The following LEPR variants were observed in gnomAD, a reference collection of about 807,000 sequenced individuals.
The protein encoded by LEPR is leptin receptor.
LEPR carries 56 observed loss-of-function variants against 114.7 expected under a neutral mutation model. The ratio of observed to expected loss-of-function variants is 0.49; its 90% CI spans 0.39 to 0.61. The LOEUF (loss-of-function observed/expected upper bound fraction) is 0.61. LEPR is among the 20% of genes least tolerant of loss of function. LEPR has a pLI of 0.00. For synonymous variants in LEPR, 443 were observed against 461.4 expected (o/e 0.96, Z 0.51); for missense variants, 1,202 against 1,352.9 (o/e 0.89, Z 1.75).
At chr1:65,626,983 T>A (rs1052900240) in intron 19 of LEPR, among the ~76,000 whole-genome samples, 3 of 152,194 alleles carry the variant, frequency 2.0e-5, no homozygotes, top group Admixed American at 6.6e-5. Flanking sequence ...ACTCACTTTA[T>A]ATTACTAAAC....
intron 19 of LEPR, chr1:65,635,405 C>T (rs746312041): frequency 1.1e-5 from 11 of 979,902 alleles, no homozygotes; most frequent in Non-Finnish European, 1.2e-5. Flanking sequence ...GATATAATCA[C>T]TTCTATAAAA....
intron 2 of LEPR, among the ~76,000 whole-genome samples, chr1:65,452,389 C>T (rs1380104595): frequency 3.4e-5 from 5 of 145,962 alleles, no homozygotes; most frequent in African/African-American, 1.0e-4. Context: ...AGTTTTTGCC[C>T]ATTCAGTATG....
intron 5 of LEPR, among the ~76,000 whole-genome samples, chr1:65,581,886 C>T (rs1338315691): frequency 2.6e-5 from 4 of 152,206 alleles, no homozygotes; most frequent in African/African-American, 4.8e-5. Context: ...TTAATGAGCT[C>T]TCTGCTACTA....
chr1:65,608,968 T>G, intron 12 of LEPR, 67 bp downstream of exon 12: 1 of 1,578,060 alleles, frequency 6.3e-7, no homozygotes, highest in Non-Finnish European at 8.7e-7. Context: ...AAGAGTTTAA[T>G]TGCATTAGAT....
chr1:65,632,519 G>T (rs1658565636), intron 19 of LEPR, among the ~76,000 whole-genome samples: 1 of 152,076 alleles, frequency 6.6e-6, no homozygotes, highest in African/African-American at 2.4e-5. Flanking sequence ...ATCTTCTGTT[G>T]TGTTATAGAA....
At chr1:65,555,249 T>C (rs1355969434) in intron 2 of LEPR, among the ~76,000 whole-genome samples, 1 of 152,222 alleles carries the variant, frequency 6.6e-6, no homozygotes, top group Non-Finnish European at 1.5e-5. Context: ...TGTTCTCACA[T>C]AAGAAGCTGA....
intron 2 of LEPR, among the ~76,000 whole-genome samples, chr1:65,543,667 A>G (rs1026282910): frequency 6.6e-6 from 1 of 151,992 alleles, no homozygotes; most frequent in African/African-American, 2.4e-5. Flanking sequence ...GAAGGGGTCC[A>G]GTCTCAGTTT....
rs1275518538 is a variant in LEPR at position 65,425,303 on chromosome 1, C to T, written c.-96C>T. On this transcript the variant is annotated splice_region_variant and 5_prime_UTR_variant, in exon 2 of 20. Coordinates refer to ENST00000349533, the MANE Select transcript of LEPR (RefSeq NM_002303.6). ...TAACTTTTGGCTTTATTTTTCACAG[C>T]TCTCGTGGCATTATCCTTCAGTGGG... 6.2e-7 allele frequency: 1 copy of T among 1,612,412 alleles called. No homozygotes were observed. Among genetic ancestry groups the T allele is most frequent in the East Asian group, 2.2e-5 (1 of 44,788 alleles).
chr1:65,437,514 A>G (rs995997412), intron 2 of LEPR, among the ~76,000 whole-genome samples: 1 of 151,964 alleles, frequency 6.6e-6, no homozygotes, highest in African/African-American at 2.4e-5. Flanking sequence ...GAAAAGAGCC[A>G]GTCACAAAAG....
At chr1:65,545,857 G>A (rs1378752189) in intron 2 of LEPR, among the ~76,000 whole-genome samples, 2 of 151,822 alleles carry the variant, frequency 1.3e-5, no homozygotes. Flanking sequence ...ATTGCTTTTG[G>A]TGTTTTAGAC....
intron 2 of LEPR, among the ~76,000 whole-genome samples, chr1:65,498,915 G>A (rs1648301974): frequency 6.6e-6 from 1 of 152,054 alleles, no homozygotes; most frequent in African/African-American, 2.4e-5. Context: ...TTTATCTTGA[G>A]TCAATAACCT....
rs534721620 is a variant in LEPR, at chr1:65,465,304, A to G, written c.-21+39926A>G. On this transcript the variant is annotated intron_variant, in intron 2 of 19. Coordinates refer to ENST00000349533, the MANE Select transcript of LEPR (RefSeq NM_002303.6). ...TTTACCCTGTAGTCATTCAGGAGCA[A>G]GTTGTTCAGTTTCCATGTAGTTGTG... Among the ~76,000 whole-genome samples the G allele has an allele frequency of 1.1e-3, 169 of 152,144 alleles. 1 individual carries two copies. The highest frequency in any genetic ancestry group is 3.7e-3 in the African/African-American group (155 of 41,514).
At chr1:65,530,586 A>G (rs1273424440) in intron 2 of LEPR, among the ~76,000 whole-genome samples, 1 of 152,130 alleles carries the variant, frequency 6.6e-6, no homozygotes, top group African/African-American at 2.4e-5. Context: ...TGACATTGCC[A>G]TGGCATTTGT....
chr1:65,546,636 T>G (rs1408596638), intron 2 of LEPR, among the ~76,000 whole-genome samples: 1 of 152,202 alleles, frequency 6.6e-6, no homozygotes, highest in Non-Finnish European at 1.5e-5. Flanking sequence ...TAAGAATGCT[T>G]GCGATTTTTG....
intron 2 of LEPR, among the ~76,000 whole-genome samples, chr1:65,428,421 G>A (rs998288414): frequency 6.6e-6 from 1 of 152,148 alleles, no homozygotes; most frequent in African/African-American, 2.4e-5. Flanking sequence ...GTTGAAAGAA[G>A]GGCTTTGAAG....
intron 2 of LEPR, chr1:65,434,288 A>C: frequency 1.0e-6 from 1 of 984,060 alleles, no homozygotes; most frequent in Non-Finnish European, 1.2e-6. Context: ...ATGGTGACAC[A>C]AATGTTGGAC....
chr1:65,515,791 A>C (rs1278723708), intron 2 of LEPR, among the ~76,000 whole-genome samples: 1 of 152,222 alleles, frequency 6.6e-6, no homozygotes, highest in African/African-American at 2.4e-5. Flanking sequence ...GTCCTGGAGA[A>C]TTTGGGTTAA....
intron 2 of LEPR, among the ~76,000 whole-genome samples, chr1:65,489,404 C>G (rs1647747756): frequency 6.6e-6 from 1 of 152,120 alleles, no homozygotes; most frequent in Non-Finnish European, 1.5e-5. Context: ...TGTTGGCCAT[C>G]TGTATGTCTT....
At chr1:65,472,077 T>A (rs902781272) in intron 2 of LEPR, among the ~76,000 whole-genome samples, 7 of 151,974 alleles carry the variant, frequency 4.6e-5, no homozygotes, top group Non-Finnish European at 1.0e-4. Flanking sequence ...CGTAGTAAAA[T>A]TTTTTTTGGC....
Sources: gnomAD v4.1 joint callset for allele counts (sites outside exome capture counted in the v4.1 genomes callset) on GRCh38, gnomAD v4.1.1 for gene constraint, MANE v1.5 for transcripts, NCBI Gene and HGNC (gene_info 2026-07-23, HGNC 2026-07-21) for gene names.